Variants in BTBD8 observed in about 807,000 individuals in gnomAD.
The protein encoded by BTBD8 is BTB/POZ domain-containing protein 8.
BTBD8 carries 110 observed loss-of-function variants against 162.9 expected under a neutral mutation model. The ratio of observed to expected loss-of-function variants is 0.68; its 90% CI spans 0.58 to 0.79. BTBD8 has a LOEUF of 0.79. Among genes scored for constraint, BTBD8 ranks in the 30% least tolerant of loss-of-function variants. The pLI is 0.00. For missense variants in BTBD8, 1,905 were observed against 2,085.4 expected (o/e 0.91, Z 1.68); for synonymous variants, 667 against 716.1 (o/e 0.93, Z 1.10).
intron 1 of BTBD8, among the ~76,000 whole-genome samples, chr1:92,082,293 A>G (rs1648039136): frequency 6.6e-6 from 1 of 152,228 alleles, no homozygotes; most frequent in Non-Finnish European, 1.5e-5. Flanking sequence ...TTCTCCAAGC[A>G]TAGCAATGTC....
At chr1:92,147,113 T>G in intron 7 of BTBD8, 67 bp from the exon 8 acceptor site, 1 of 1,262,302 alleles carries the variant, frequency 7.9e-7, no homozygotes, top group South Asian at 1.5e-5. Flanking sequence ...ATTATCTTTA[T>G]GAACCAAATA....
intron 5 of BTBD8, among the ~76,000 whole-genome samples, chr1:92,134,095 A>G (rs1044231826): frequency 2.0e-5 from 3 of 151,838 alleles, no homozygotes; most frequent in South Asian, 2.1e-4. Context: ...TCCACATACT[A>G]TAATGTAAAT....
intron 4 of BTBD8, chr1:92,115,231 C>A: frequency 2.1e-6 from 1 of 487,536 alleles, no homozygotes. Context: ...CCACAGTTTC[C>A]CAGAGGGGCC....
intron 2 of BTBD8, among the ~76,000 whole-genome samples, chr1:92,095,228 G>A (rs1166697515): frequency 6.6e-6 from 1 of 152,144 alleles, no homozygotes; most frequent in Non-Finnish European, 1.5e-5. Flanking sequence ...CCAAGTACCA[G>A]ACAAGTAGGG....
intron 10 of BTBD8, 127 bp from the exon 11 acceptor site, chr1:92,167,719 CAA>C: frequency 2.9e-6 from 2 of 691,232 alleles, no homozygotes; most frequent in Non-Finnish European, 4.5e-6. Flanking sequence ...AATTTTTTAA[CAA>C]AGGGAAAAAA....
chr1:92,168,322 ATATTTTAGATATAAATG>A (rs1372966959), intron 11 of BTBD8, among the ~76,000 whole-genome samples: 17 of 14,148 alleles, frequency 1.2e-3, no homozygotes, highest in Middle Eastern at 0.038. Flanking sequence ...TATAAAATGT[ATATTTTAGATATAAATG>A]TATATTTTAG....
chr1:92,139,471 A>G (rs763481422), intron 6 of BTBD8, 41 bp downstream of exon 6: 1 of 1,583,368 alleles, frequency 6.3e-7, no homozygotes, highest in East Asian at 2.3e-5. Context: ...TAAAAGAGTT[A>G]GGTTCTGCTT....
rs188122825 is a variant in BTBD8 at position 92,097,946 on chromosome 1, G to A, written c.348-4527G>A. ...CTCCTGGTGGGAGCACAGAGGACAT[G>A]CCTAATTTCCCCAGCGATGAGTTGT... On this transcript the variant is annotated intron_variant, in intron 2 of 17. Transcript: ENST00000636805. 2.6e-5 allele frequency among the ~76,000 whole-genome samples: 4 copies of A among 152,272 alleles called. No individual in the cohort carries two copies. The East Asian group carries it at 7.7e-4, about 29-fold the overall frequency.
intron 9 of BTBD8, among the ~76,000 whole-genome samples, chr1:92,148,969 A>G (rs1243235871): frequency 6.6e-6 from 1 of 152,170 alleles, no homozygotes. Context: ...TAAGAACCCA[A>G]TTTGGGCAGT....
Position 92,181,716 on chromosome 1 carries a change from A to G in BTBD8, c.4033A>G (p.Lys1345Glu). 2 of 1,551,602 alleles carry G rather than the reference A, an allele frequency of 1.3e-6. No individual in the cohort carries two copies. Among genetic ancestry groups the G allele is most frequent in the South Asian group, 1.2e-5 (1 of 84,062 alleles). Residue 1345 changes from lysine (K) to glutamate (E), a missense_variant, in exon 17 of 18, where the codon AAA becomes GAA. By Grantham distance (56) the Lys-to-Glu change is moderately conservative. Coordinates refer to ENST00000636805, the MANE Select transcript of BTBD8 (RefSeq NM_001376131.1). Reference protein sequence around the residue: ...NSTSDDEIPRKRPEIWSRSAI... With the variant: ...NSTSDDEIPRERPEIWSRSAI... ...AACGAGTGATGATGAAATCCCTAGG[A>G]AAAGGCCAGAAATTTGGTCTCGATC...
intron 5 of BTBD8, among the ~76,000 whole-genome samples, chr1:92,130,974 G>A (rs764019673): frequency 5.9e-5 from 9 of 152,210 alleles, no homozygotes; most frequent in Non-Finnish European, 1.3e-4. Context: ...AAAGTGTTGG[G>A]ATTACAGGCG....
intron 4 of BTBD8, among the ~76,000 whole-genome samples, chr1:92,119,661 C>G (rs1315789414): frequency 1.3e-5 from 2 of 149,204 alleles, no homozygotes; most frequent in Non-Finnish European, 3.0e-5. Flanking sequence ...GAGTCTCGCT[C>G]TGTTGCCCAG....
intron 8 of BTBD8, 132 bp downstream of exon 8, chr1:92,147,400 C>A: frequency 1.5e-6 from 1 of 685,552 alleles, no homozygotes; most frequent in South Asian, 2.1e-5. Flanking sequence ...TAGTGCTAAA[C>A]TAGTTTCACC....
intron 10 of BTBD8, 98 bp downstream of exon 10, chr1:92,167,238 T>C (rs1389264146): frequency 2.9e-6 from 4 of 1,367,582 alleles, no homozygotes; most frequent in Non-Finnish European, 3.0e-6. Flanking sequence ...TTGATTAAAT[T>C]AATGTGATTT....
At chr1:92,085,463 G>C (rs191127260) in intron 1 of BTBD8, among the ~76,000 whole-genome samples, 3 of 152,188 alleles carry the variant, frequency 2.0e-5, no homozygotes, top group African/African-American at 4.8e-5. Context: ...ATGGTGGTGC[G>C]CACCTGTACT....
intron 8 of BTBD8, 27 bp downstream of exon 8, chr1:92,147,295 C>G: frequency 5.8e-6 from 9 of 1,540,102 alleles, no homozygotes; most frequent in Non-Finnish European, 8.0e-6. Flanking sequence ...AGTGCTGATA[C>G]TATTAATTTA....
chr1:92,092,649 T>C (rs983001554), intron 2 of BTBD8, among the ~76,000 whole-genome samples: 18 of 152,192 alleles, frequency 1.2e-4, no homozygotes, highest in Admixed American at 4.6e-4. Flanking sequence ...ATGTGAGGGT[T>C]TATTTCTGGT....
At chr1:92,178,526 A>C in intron 16 of BTBD8, 75 bp downstream of exon 16, 1 of 1,196,912 alleles carries the variant, frequency 8.4e-7, no homozygotes, top group Non-Finnish European at 1.2e-6. Flanking sequence ...TCTGATTTGC[A>C]ACTTCAGTAG....
chr1:92,091,437 G>A (rs994287209), intron 2 of BTBD8, among the ~76,000 whole-genome samples: 5 of 151,986 alleles, frequency 3.3e-5, no homozygotes, highest in Admixed American at 6.6e-5. Flanking sequence ...GTGTGAGAAC[G>A]GACTAATACA....
Sources: allele counts gnomAD v4.1 joint callset (sites outside exome capture counted in the v4.1 genomes callset), GRCh38; gene constraint gnomAD v4.1.1; transcripts MANE v1.5; gene names NCBI Gene and HGNC (gene_info 2026-07-23, HGNC 2026-07-21).